DPYSL5: variants seen among roughly 807,000 people sequenced by gnomAD.
The protein encoded by DPYSL5 is dihydropyrimidinase like 5.
In DPYSL5, 9 loss-of-function variants were observed where a neutral mutation model predicts 58.4. The observed-to-expected ratio is 0.15, with a 90% CI of 0.09 to 0.27. The LOEUF is 0.27. Among genes scored for constraint, DPYSL5 ranks in the 10% least tolerant of loss-of-function variants. The probability of loss-of-function intolerance (pLI) is 1.00; values close to 1 mark genes in which losing one functional copy is unlikely to be tolerated. For missense variants in DPYSL5, 499 were observed against 770.6 expected (o/e 0.65, Z 4.17); for synonymous variants, 293 against 301.9 (o/e 0.97, Z 0.31).
intron 1 of DPYSL5, among the ~76,000 whole-genome samples, chr2:26,853,811 G>A (rs1028875744): frequency 1.1e-4 from 17 of 152,004 alleles, no homozygotes; most frequent in Non-Finnish European, 2.2e-4. Flanking sequence ...CATTATCAAG[G>A]AAAAATCTCC....
chr2:26,921,633 A>T, intron 2 of DPYSL5, among the ~76,000 whole-genome samples: 1 of 152,162 alleles, frequency 6.6e-6, no homozygotes, highest in East Asian at 1.9e-4. Flanking sequence ...AGCCAACTCT[A>T]TGTATGTCTT....
chr2:26,934,758 G>T lies in DPYSL5; in HGVS notation c.947+24G>T. On this transcript the variant is annotated intron_variant, in intron 8 of 12. Transcript: ENST00000288699. The surrounding 1 kb of genome is among the most constrained non-coding windows in gnomAD (Gnocchi z 4.3). Reference sequence around the variant, plus strand: ...AAGTAAGGCGTTTCAGCAGCACATTGCAGGGATGTGTACATCTTTAGGAAG... The same window carrying T: ...AAGTAAGGCGTTTCAGCAGCACATTTCAGGGATGTGTACATCTTTAGGAAG... 6.2e-7 allele frequency: 1 copy of T among 1,613,276 alleles called. No individual in the cohort carries two copies. The highest frequency in any genetic ancestry group is 1.1e-5 in the South Asian group (1 of 90,940).
In DPYSL5 at chr2:26,944,574, G is replaced by C. The variant is rs1048108294; in HGVS notation, c.1441-82G>C. The C allele has an allele frequency of 2.7e-6, 4 of 1,495,438 alleles. No homozygotes were observed. The African/African-American group carries it at 5.6e-5, about 21-fold the overall frequency. 92.6% of individuals were successfully genotyped at this position (1,495,438 alleles called of 1,614,324 possible). ...GAGTGGCAGTGTCTAATGTCCCACC[G>C]GCCCCCAGGGAGGCCATGGTTGTAT... On this transcript the variant is annotated intron_variant, in intron 11 of 12. Transcript: ENST00000288699. This position sits in a 1 kb window ranked among gnomAD's most constrained non-coding sequence, Gnocchi z 4.4.
intron 1 of DPYSL5, among the ~76,000 whole-genome samples, chr2:26,896,368 G>A (rs928547730): frequency 4.1e-4 from 63 of 152,130 alleles, no homozygotes; most frequent in African/African-American, 1.1e-3. Context: ...ATATCCCTTC[G>A]ACATCTGATT....
chr2:26,931,946 T>C (rs981161420), intron 6 of DPYSL5, among the ~76,000 whole-genome samples: 1 of 143,048 alleles, frequency 7.0e-6, no homozygotes, highest in Non-Finnish European at 1.5e-5. Flanking sequence ...AGGCGGAGGT[T>C]GCAGTGAGCC....
intron 2 of DPYSL5, among the ~76,000 whole-genome samples, chr2:26,906,747 C>G (rs959167399): frequency 3.3e-5 from 5 of 152,162 alleles, no homozygotes; most frequent in Admixed American, 6.5e-5. Flanking sequence ...TTTGCTTAAA[C>G]TACCTAAATC....
rs1665687871 is a variant in DPYSL5, at chr2:26,849,377, C to T, written c.-5+1123C>T. Among the ~76,000 whole-genome samples the T allele has an allele frequency of 6.6e-6, 1 of 151,632 alleles. No individual in the cohort carries two copies. Among genetic ancestry groups the T allele is most frequent in the Admixed American group, 6.6e-5 (1 of 15,252 alleles). On this transcript the variant is annotated intron_variant, in intron 1 of 12. Coordinates refer to ENST00000288699, the MANE Select transcript of DPYSL5 (RefSeq NM_020134.4). This position sits in a 1 kb window ranked among gnomAD's most constrained non-coding sequence, Gnocchi z 6.2. ...GGGGCAAGCAGCTGAGAGGCGGTCTCGGGCCCGAGGATCCTCAGCTCCAGG... is the reference window on the plus strand; with the variant it reads ...GGGGCAAGCAGCTGAGAGGCGGTCTTGGGCCCGAGGATCCTCAGCTCCAGG...
chr2:26,907,657 C>T (rs184354504), intron 2 of DPYSL5, among the ~76,000 whole-genome samples: 1 of 152,278 alleles, frequency 6.6e-6, no homozygotes, highest in East Asian at 1.9e-4. Context: ...CCCCATGCTG[C>T]CTGTTGCCAT....
rs190660915 is a variant in DPYSL5, at chr2:26,944,494, C to T, written c.1441-162C>T. On this transcript the variant is annotated intron_variant, in intron 11 of 12. Coordinates refer to ENST00000288699, the MANE Select transcript of DPYSL5 (RefSeq NM_020134.4). The surrounding 1 kb of genome is among the most constrained non-coding windows in gnomAD (Gnocchi z 4.4). ...AGGAGGTATGAGAAAACTCCAGCCC[C>T]TGGACTCAATGTTTAAGAAGCCTTG... 9.9e-5 allele frequency among the ~76,000 whole-genome samples: 15 copies of T among 152,258 alleles called. No individual in the cohort carries two copies. Among genetic ancestry groups the T allele is most frequent in the Non-Finnish European group, 2.1e-4 (14 of 68,008 alleles).
chr2:26,932,855 C>A (rs937250526), intron 6 of DPYSL5, among the ~76,000 whole-genome samples: 1 of 152,116 alleles, frequency 6.6e-6, no homozygotes, highest in East Asian at 1.9e-4. Flanking sequence ...CAGCAGGCAT[C>A]GTAATTTTAG....
At chr2:26,892,674 A>C (rs943134060) in intron 1 of DPYSL5, among the ~76,000 whole-genome samples, 1 of 151,894 alleles carries the variant, frequency 6.6e-6, no homozygotes, top group African/African-American at 2.4e-5. Context: ...CTAAAAAAAA[A>C]AAACAAAAAC....
chr2:26,945,865 A>C (rs1304939065), intron 12 of DPYSL5, among the ~76,000 whole-genome samples: 5 of 152,218 alleles, frequency 3.3e-5, no homozygotes, highest in Non-Finnish European at 7.3e-5. Flanking sequence ...GAGGGATGCC[A>C]ATGGGTCAGC....
Position 26,933,283 on chromosome 2 carries a change from A to G in DPYSL5, c.740A>G (p.Asn247Ser). The G allele has an allele frequency of 6.2e-7, 1 of 1,614,114 alleles. No individual in the cohort carries two copies. Among genetic ancestry groups the G allele is most frequent in the South Asian group, 1.1e-5 (1 of 91,068 alleles). The change falls in exon 7 of 13, where the codon AAC (asparagine) becomes AGC (serine). Residue 247 changes from asparagine (N) to serine (S), a missense_variant. Around this residue, in one of 3 missense-constraint regions of DPYSL5, gnomAD observed 404 missense variants for 647.6 expected, o/e 0.62. Transcript: ENST00000288699. The surrounding 1 kb of genome is among the most constrained non-coding windows in gnomAD (Gnocchi z 4.2). ...NRTHCPIYLV[N>S]VSSISAGDVI... ...ACTCACTGTCCAATCTACCTGGTCA[A>G]CGTGTCCAGTATCTCGGCTGGTGAC... is the stretch of plus-strand genomic sequence containing the variant.
At chr2:26,859,453 C>T (rs1665959068) in intron 1 of DPYSL5, among the ~76,000 whole-genome samples, 1 of 151,518 alleles carries the variant, frequency 6.6e-6, no homozygotes, top group Non-Finnish European at 1.5e-5. Flanking sequence ...CCTGTTAATT[C>T]CTTTATTTCA....
chr2:26,936,423 G>A (rs1299579452), intron 8 of DPYSL5, among the ~76,000 whole-genome samples: 2 of 152,184 alleles, frequency 1.3e-5, no homozygotes, highest in African/African-American at 4.8e-5. Flanking sequence ...GAGTTGGGGG[G>A]TGCAGGGCTT....
Position 26,937,135 on chromosome 2 carries a change from T to C in DPYSL5, c.947+2401T>C, listed in dbSNP as rs1231671801. Among the ~76,000 whole-genome samples, 4 of 151,986 alleles carry C rather than the reference T, an allele frequency of 2.6e-5. 1 individual carries two copies. In the South Asian group the frequency reaches 6.2e-4, roughly 24 times the overall value. ...AAAGAACAAAAAAGATAATAAGTGC[T>C]TCAACCCACCCAAATTACAGCGCCC... On this transcript the variant is annotated intron_variant, in intron 8 of 12. Transcript: ENST00000288699.
rs759878048 is a variant in DPYSL5 at position 26,933,294 on chromosome 2, A to G, written c.751A>G (p.Ile251Val). Reference protein sequence around the residue: ...CPIYLVNVSSISAGDVIAAAK... With the variant: ...CPIYLVNVSSVSAGDVIAAAK... ...AATCTACCTGGTCAACGTGTCCAGTATCTCGGCTGGTGACGTTATCGCAGC... is the reference window on the plus strand; with the variant it reads ...AATCTACCTGGTCAACGTGTCCAGTGTCTCGGCTGGTGACGTTATCGCAGC... The change falls in exon 7 of 13, where the codon ATC (isoleucine) becomes GTC (valine). Residue 251 changes from isoleucine to valine, a missense_variant. Ile to Val is a conservative substitution (Grantham distance 29, BLOSUM62 3). Coordinates refer to ENST00000288699, the MANE Select transcript of DPYSL5 (RefSeq NM_020134.4). This position sits in a 1 kb window ranked among gnomAD's most constrained non-coding sequence, Gnocchi z 4.2. 2.5e-6 allele frequency: 4 copies of G among 1,614,188 alleles called. No individual in the cohort carries two copies. The highest frequency in any genetic ancestry group is 1.1e-5 in the South Asian group (1 of 91,080).
intron 1 of DPYSL5, among the ~76,000 whole-genome samples, chr2:26,882,903 T>TCC: frequency 7.7e-6 from 1 of 130,338 alleles, no homozygotes; most frequent in South Asian, 2.4e-4. Flanking sequence ...AGAGCGAGAC[T>TCC]ATCTTAAAAA....
At position 26,934,674 on chromosome 2, in the gene DPYSL5, C is replaced by T. The variant is rs151073506; in HGVS notation, c.887C>T (p.Thr296Met). The change falls in exon 8 of 13, where the codon ACG (threonine) becomes ATG (methionine). Residue 296 changes from threonine to methionine, a missense_variant. Coordinates refer to ENST00000288699, the MANE Select transcript of DPYSL5 (RefSeq NM_020134.4). The surrounding 1 kb of genome is among the most constrained non-coding windows in gnomAD (Gnocchi z 4.3). ...QDWSHAAAYV[T>M]VPPLRLDTNT... Reference sequence around the variant, plus strand: ...TGGTCCCACGCGGCTGCCTATGTCACGGTGCCTCCCCTGAGACTGGACACC... The same window carrying T: ...TGGTCCCACGCGGCTGCCTATGTCATGGTGCCTCCCCTGAGACTGGACACC... 5,348 of 1,614,162 alleles carry T rather than the reference C, an allele frequency of 3.3e-3. 14 individuals carry two copies. The highest frequency in any genetic ancestry group is 6.6e-3 in the Admixed American group (396 of 60,024).
Sources: gnomAD v4.1 joint callset for allele counts (sites outside exome capture counted in the v4.1 genomes callset) on GRCh38, gnomAD v4.1.1 for gene constraint, gnomAD v4.1.1 regional missense constraint, Gnocchi (gnomAD v3.1) non-coding constraint, MANE v1.5 for transcripts, NCBI Gene and HGNC (gene_info 2026-07-23, HGNC 2026-07-21) for gene names.